The following PCDHA1 variants were observed in gnomAD, a reference collection of about 807,000 sequenced individuals.
The protein encoded by PCDHA1 is protocadherin alpha 1, also known as protocadherin alpha-1.
A neutral mutation model predicts 61.3 loss-of-function variants in PCDHA1; 42 were observed. That is an observed-to-expected ratio of 0.69 (90% confidence interval 0.54 to 0.89). PCDHA1 has a LOEUF of 0.89. Ranked by LOEUF, PCDHA1 falls within the 40% of genes least tolerant of loss-of-function variation. The pLI is 0.00. For missense variants in PCDHA1, 1,256 were observed against 1,235.3 expected (o/e 1.02, Z -0.25); for synonymous variants, 610 against 553.8 (o/e 1.10, Z -1.43).
chr5:140,967,451 G>A, intron 1 of PCDHA1: 2 of 1,613,628 alleles, frequency 1.2e-6, no homozygotes, highest in South Asian at 2.2e-5. Flanking sequence ...GGTTCTCACA[G>A]CCGTGGATGG....
At chr5:140,877,172 C>A (rs371577720) in intron 1 of PCDHA1, 1 of 1,613,818 alleles carries the variant, frequency 6.2e-7, no homozygotes. Flanking sequence ...GCACTGCTGG[C>A]GACTCCGGCT....
intron 1 of PCDHA1, chr5:140,875,400 T>C: frequency 6.7e-7 from 1 of 1,485,268 alleles, no homozygotes; most frequent in Admixed American, 2.6e-5. Flanking sequence ...AAAGGGTGAC[T>C]GCTCATAAAA....
chr5:140,858,108 C>T (rs781859966), intron 1 of PCDHA1: 1 of 1,597,706 alleles, frequency 6.3e-7, no homozygotes, highest in South Asian at 1.1e-5. Context: ...GGCGTGGCGC[C>T]CGAGGTGGCC....
intron 1 of PCDHA1, among the ~76,000 whole-genome samples, chr5:140,873,079 TC>T (rs544069393): frequency 1.1e-4 from 17 of 152,076 alleles, no homozygotes; most frequent in Admixed American, 4.6e-4. Context: ...TCTAGCTATT[TC>T]CCCCCCGTAT....
chr5:140,982,663 A>G (rs2096995052), intron 3 of PCDHA1, 100 bp downstream of exon 3: 5 of 1,473,648 alleles, frequency 3.4e-6, no homozygotes, highest in Admixed American at 2.6e-5. Context: ...TTTTTCTTTT[A>G]TATTTTTGTT....
chr5:140,857,309 G>C lies in PCDHA1; in HGVS notation c.2394+68625G>C, dbSNP rs1287991839. ...GGACCGCGAGAGGGTGTCGGCCTAT[G>C]AGCTGGTGGTGACCGCGCGGGACGG... On this transcript the variant is annotated intron_variant, in intron 1 of 3. Transcript: ENST00000504120. The C allele has an allele frequency of 3.8e-6, 6 of 1,598,670 alleles. 1 individual carries two copies. In the Admixed American group the frequency reaches 1.0e-4, roughly 27 times the overall value.
intron 1 of PCDHA1, chr5:140,807,121 C>A (rs1397295588): frequency 3.9e-6 from 6 of 1,533,416 alleles, no homozygotes; most frequent in Admixed American, 3.7e-5. Flanking sequence ...CTTGACTGAC[C>A]GATTAAAAGA....
intron 1 of PCDHA1, chr5:140,823,482 G>C: frequency 6.2e-7 from 1 of 1,613,424 alleles, no homozygotes; most frequent in Non-Finnish European, 8.5e-7. Context: ...TGCCTCGAGT[G>C]GGTGGCACCG....
At chr5:140,989,437 A>G (rs1330784508) in intron 3 of PCDHA1, among the ~76,000 whole-genome samples, 1 of 152,138 alleles carries the variant, frequency 6.6e-6, no homozygotes, top group East Asian at 1.9e-4. Flanking sequence ...AAAATTGCTG[A>G]GGTTGTTTAG....
In PCDHA1 at chr5:140,982,309, G is replaced by A. The variant is rs1459964622; in HGVS notation, c.2454-166G>A. On this transcript the variant is annotated intron_variant, in intron 2 of 3. Coordinates refer to ENST00000504120, the MANE Select transcript of PCDHA1 (RefSeq NM_018900.4). Reference sequence around the variant, plus strand: ...TAAGTAAGTCAGCAATGCTTCTGCAGTTTATGCAGGGTGACTGCTCAGCAG... The same window carrying A: ...TAAGTAAGTCAGCAATGCTTCTGCAATTTATGCAGGGTGACTGCTCAGCAG... 5.4e-6 allele frequency: 7 copies of A among 1,306,624 alleles called. No homozygotes were observed. The Admixed American group carries it at 1.8e-4, about 34-fold the overall frequency. The allele number at this position is 1,306,624 out of a possible 1,614,324, so 80.9% of individuals were successfully genotyped here. A position where few individuals can be genotyped will look rare whatever the true frequency, so the allele number is the denominator to read the frequency against.
rs59031154 is a variant in PCDHA1 at position 140,884,790 on chromosome 5, T to C, written c.2395-94159T>C. ...TTAATTTTAATTTTGCTAGTTGTTATCGAATTTAACAACTCTGCTGTGGAC... is the reference window on the plus strand; with the variant it reads ...TTAATTTTAATTTTGCTAGTTGTTACCGAATTTAACAACTCTGCTGTGGAC... On this transcript the variant is annotated intron_variant, in intron 1 of 3. Transcript: ENST00000504120. 1.6e-3 allele frequency: 2,209 copies of C among 1,352,036 alleles called. 33 individuals are homozygous for C. In the African/African-American group the frequency reaches 0.03, roughly 18 times the overall value. The allele number at this position is 1,352,036 out of a possible 1,614,324, so 83.8% of individuals were successfully genotyped here.
chr5:140,907,616 GCT>G (rs1554193070), intron 1 of PCDHA1, among the ~76,000 whole-genome samples: 1 of 152,216 alleles, frequency 6.6e-6, no homozygotes, highest in Non-Finnish European at 1.5e-5. Context: ...CATATCAAGG[GCT>G]CAGTGTTGGT....
chr5:140,883,313 G>T, intron 1 of PCDHA1: 1 of 1,614,118 alleles, frequency 6.2e-7, no homozygotes, highest in Non-Finnish European at 8.5e-7. Context: ...TAACGCCCCA[G>T]AGGTTACCAT....
intron 1 of PCDHA1, among the ~76,000 whole-genome samples, chr5:140,826,093 T>C (rs1198745470): frequency 2.6e-5 from 4 of 152,224 alleles, no homozygotes; most frequent in Non-Finnish European, 4.4e-5. Flanking sequence ...TAAGTACCCT[T>C]CTATCATGCT....
intron 1 of PCDHA1, among the ~76,000 whole-genome samples, chr5:140,896,282 A>G (rs1326876303): frequency 2.0e-5 from 3 of 152,224 alleles, no homozygotes; most frequent in Non-Finnish European, 4.4e-5. Context: ...GCTGGCTTGA[A>G]TGGTAAGTTC....
In PCDHA1 at chr5:140,850,723, G is replaced by A; in HGVS notation, c.2394+62039G>A. ...GGCAAGCCGACGCTGGTGTGTTCTA[G>A]CGCGGTGGGGAGTTGGTCGTACTCG... On this transcript the variant is annotated intron_variant, in intron 1 of 3. Coordinates refer to ENST00000504120, the MANE Select transcript of PCDHA1 (RefSeq NM_018900.4). 17 of 1,598,038 alleles carry A rather than the reference G, an allele frequency of 1.1e-5. 1 individual carries two copies. The highest frequency in any genetic ancestry group is 1.5e-5 in the Non-Finnish European group (17 of 1,167,660).
intron 1 of PCDHA1, among the ~76,000 whole-genome samples, chr5:140,908,540 G>T (rs1562965244): frequency 6.6e-6 from 1 of 152,150 alleles, no homozygotes; most frequent in African/African-American, 2.4e-5. Flanking sequence ...TTCCACCAAA[G>T]CCCAGTAATA....
At chr5:140,934,957 G>A (rs2090122349) in intron 1 of PCDHA1, among the ~76,000 whole-genome samples, 1 of 152,250 alleles carries the variant, frequency 6.6e-6, no homozygotes, top group Non-Finnish European at 1.5e-5. Context: ...GATCCCATGT[G>A]CTTGTCACCC....
chr5:140,961,400 C>T (rs929653995), intron 1 of PCDHA1, among the ~76,000 whole-genome samples: 10 of 152,186 alleles, frequency 6.6e-5, no homozygotes, highest in African/African-American at 2.4e-4. Context: ...TTAGTAAACA[C>T]TTTTTGGCAT....
Sources: gnomAD v4.1 joint callset for allele counts (sites outside exome capture counted in the v4.1 genomes callset) on GRCh38, gnomAD v4.1.1 for gene constraint, MANE v1.5 for transcripts, NCBI Gene and HGNC (gene_info 2026-07-23, HGNC 2026-07-21) for gene names.